COL18A1: variants seen among roughly 807,000 people sequenced by gnomAD.
COL18A1 encodes the protein collagen type XVIII alpha 1 chain.
COL18A1 carries 133 observed loss-of-function variants against 168.0 expected under a neutral mutation model. The ratio of observed to expected loss-of-function variants is 0.79; its 90% CI spans 0.69 to 0.91. The LOEUF (loss-of-function observed/expected upper bound fraction) is 0.91. Among genes scored for constraint, COL18A1 ranks in the 40% least tolerant of loss-of-function variants. COL18A1 has a pLI of 0.00. For synonymous variants in COL18A1, 949 were observed against 809.0 expected, an observed-to-expected ratio of 1.17 and a Z score of -2.94; for missense variants, 2,126 against 1,925.4, an observed-to-expected ratio of 1.10 and a Z score of -1.95.
chr21:45,453,721 C>A lies in COL18A1; in HGVS notation c.107-14521C>A, dbSNP rs925089708. Among the ~76,000 whole-genome samples, 3 of 152,118 alleles carry A rather than the reference C, an allele frequency of 2.0e-5. No individual in the cohort carries two copies. In the East Asian group the frequency reaches 5.8e-4, roughly 29 times the overall value. ...CAGGGGAAGGGTGGAGGGAGCTGGG[C>A]ACCCTGCAGATGGCAGGGTGGGTGC... On this transcript the variant is annotated intron_variant, in intron 2 of 41. Coordinates refer to ENST00000651438, the MANE Select transcript of COL18A1 (RefSeq NM_001379500.1).
In COL18A1 at chr21:45,405,481, C is replaced by T. The variant is rs1014332547; in HGVS notation, c.106+8C>T. On this transcript the variant is annotated splice_region_variant and intron_variant, in intron 2 of 41. Coordinates refer to ENST00000651438, the MANE Select transcript of COL18A1 (RefSeq NM_001379500.1). ...CGGCCTCCGCGGAGCCAGGTAAGAC[C>T]CGGGCGGGACGGGAAGGTTCGCGCC... is the stretch of plus-strand genomic sequence containing the variant. The T allele has an allele frequency of 7.4e-7, 1 of 1,357,748 alleles. No homozygotes were observed. Among genetic ancestry groups the T allele is most frequent in the Non-Finnish European group, 9.6e-7 (1 of 1,046,218 alleles). The allele number at this position is 1,357,748 out of a possible 1,614,324, so 84.1% of individuals were successfully genotyped here. A position where few individuals can be genotyped will look rare whatever the true frequency, so the allele number is the denominator to read the frequency against.
intron 2 of COL18A1, chr21:45,456,933 A>T (rs1436060896): frequency 7.4e-7 from 1 of 1,349,172 alleles, no homozygotes; most frequent in African/African-American, 1.5e-5. Context: ...CTTGCCAGGT[A>T]AGTGTGGGCG....
chr21:45,509,377 C>T lies in COL18A1; in HGVS notation c.3271C>T (p.Gln1091Ter). The T allele has an allele frequency of 6.5e-7, 1 of 1,543,256 alleles. No individual in the cohort carries two copies. Among genetic ancestry groups the T allele is most frequent in the Admixed American group, 1.9e-5 (1 of 52,094 alleles). Residue 1091 changes from glutamine to a stop codon, truncating the protein, a stop_gained, in exon 39 of 42, where the codon CAG (glutamine) becomes TAG (stop). Coordinates refer to ENST00000651438, the MANE Select transcript of COL18A1 (RefSeq NM_001379500.1). LOFTEE classifies it high-confidence loss of function. Reference protein sequence around the residue: ...RGTDNEVAALQPPVVQLHDSN... With the variant: ...RGTDNEVAAL Reference sequence around the variant, plus strand: ...GCAGGACAATGAAGTGGCCGCCTTGCAGCCCCCCGTGGTGCAGCTGCACGA... The same window carrying T: ...GCAGGACAATGAAGTGGCCGCCTTGTAGCCCCCCGTGGTGCAGCTGCACGA...
chr21:45,452,117 C>T (rs1430934263), intron 2 of COL18A1, among the ~76,000 whole-genome samples: 2 of 152,268 alleles, frequency 1.3e-5, no homozygotes, highest in Non-Finnish European at 2.9e-5. Context: ...AACCCTGGTC[C>T]GCACTGCTCA....
Position 45,473,827 on chromosome 21 carries a change from C to A in COL18A1, c.652-68C>A, listed in dbSNP as rs1179348935. On this transcript the variant is annotated intron_variant, in intron 3 of 41. Coordinates refer to ENST00000651438, the MANE Select transcript of COL18A1 (RefSeq NM_001379500.1). This position sits in a 1 kb window ranked among gnomAD's most constrained non-coding sequence, Gnocchi z 4.0. Reference sequence around the variant, plus strand: ...TGTGGGCCCCCCGAAATCTGGAGCTCAAGCAGCACCGGGGTTGCCACTGCC... The same window carrying A: ...TGTGGGCCCCCCGAAATCTGGAGCTAAAGCAGCACCGGGGTTGCCACTGCC... 6 of 1,331,420 alleles carry A rather than the reference C, an allele frequency of 4.5e-6. No individual in the cohort carries two copies. In the Admixed American group the frequency reaches 1.2e-4, roughly 26 times the overall value. The allele number at this position is 1,331,420 out of a possible 1,614,324, so 82.5% of individuals were successfully genotyped here.
At chr21:45,452,523 C>T (rs2034647138) in intron 2 of COL18A1, among the ~76,000 whole-genome samples, 1 of 151,214 alleles carries the variant, frequency 6.6e-6, no homozygotes, top group Admixed American at 6.6e-5. Context: ...TGTGAGCATG[C>T]ATGTACATAT....
chr21:45,407,096 C>G (rs2033138866), intron 2 of COL18A1, among the ~76,000 whole-genome samples: 1 of 152,220 alleles, frequency 6.6e-6, no homozygotes, highest in South Asian at 2.1e-4. Flanking sequence ...CCTCCCCCAG[C>G]CCGGAGAGAA....
At position 45,491,554 on chromosome 21, in the gene COL18A1, A is replaced by C. The variant is rs181264904; in HGVS notation, c.2157+240A>C. Among the ~76,000 whole-genome samples the C allele has an allele frequency of 5.8e-3, 853 of 147,150 alleles. 9 individuals carry two copies. Among genetic ancestry groups the C allele is most frequent in the African/African-American group, 0.02 (815 of 41,054 alleles). ...AGAGGGGAGGGCCTGCACAGGGGCC[A>C]GTGTTTTTACGTCAAAGGCTCCCAT... On this transcript the variant is annotated intron_variant, in intron 22 of 41. Transcript: ENST00000651438.
At chr21:45,478,166 T>C in intron 8 of COL18A1, 161 bp from the exon 9 acceptor site, 1 of 923,172 alleles carries the variant, frequency 1.1e-6, no homozygotes, top group South Asian at 1.4e-5. Flanking sequence ...ACACAGCCCT[T>C]GTGGGTGTGA....
chr21:45,414,564 C>T (rs372667647), intron 2 of COL18A1, among the ~76,000 whole-genome samples: 4 of 152,126 alleles, frequency 2.6e-5, no homozygotes, highest in East Asian at 3.9e-4. Context: ...AGACAAGGCT[C>T]GGACCCTGCG....
rs535440142 is a variant in COL18A1, at chr21:45,439,799, C to T, written c.107-28443C>T. On this transcript the variant is annotated intron_variant, in intron 2 of 41. Transcript: ENST00000651438. ...AGCACAGAGCCTGGCCTCTAAGATGCTCGGGAAATGCCGCTCTCTGCGCCC... is the reference window on the plus strand; with the variant it reads ...AGCACAGAGCCTGGCCTCTAAGATGTTCGGGAAATGCCGCTCTCTGCGCCC... Among the ~76,000 whole-genome samples, 9 of 150,056 alleles carry T rather than the reference C, an allele frequency of 6.0e-5. No homozygotes were observed. The South Asian group carries it at 1.9e-3, about 31-fold the overall frequency.
rs754620860 is a variant in COL18A1 at position 45,512,315 on chromosome 21, C to A, written c.3937C>A (p.Leu1313Ile). ...GGCCTCCTCGCTGCTGGGGGGCAGG[C>A]TCCTGGGGCAGAGTGCCGCGAGCTG... ...GQASSLLGGRLLGQSAASCHH... is the reference protein window; with the variant it reads ...GQASSLLGGRILGQSAASCHH... Residue 1313 changes from leucine (L) to isoleucine (I), a missense_variant, in exon 42 of 42, where the codon CTC (leucine) becomes ATC (isoleucine). Physicochemically the swap from Leu to Ile is conservative, Grantham distance 5. Coordinates refer to ENST00000651438, the MANE Select transcript of COL18A1 (RefSeq NM_001379500.1). 1.2e-6 allele frequency: 2 copies of A among 1,612,414 alleles called. No homozygotes were observed. The highest frequency in any genetic ancestry group is 2.7e-5 in the African/African-American group (2 of 74,926).
Position 45,504,245 on chromosome 21 carries a change from C to T in COL18A1, c.2728-171C>T, listed in dbSNP as rs182733378. ...TCCCCGGCTCAGTTTTTGGGGGACT[C>T]GGCTGATGCAGTGGGAGGTGGGGAG... On this transcript the variant is annotated intron_variant, in intron 33 of 41. Coordinates refer to ENST00000651438, the MANE Select transcript of COL18A1 (RefSeq NM_001379500.1). 632 of 881,934 alleles carry T rather than the reference C, an allele frequency of 7.2e-4. 2 individuals carry two copies. The African/African-American group carries it at 9.2e-3, about 13-fold the overall frequency. 54.6% of individuals were successfully genotyped at this position (881,934 alleles called of 1,614,324 possible).
At chr21:45,431,808 T>G (rs915504475) in intron 2 of COL18A1, among the ~76,000 whole-genome samples, 1 of 151,834 alleles carries the variant, frequency 6.6e-6, no homozygotes, top group East Asian at 1.9e-4. Flanking sequence ...CGCGCATTGG[T>G]GGGGGCAGCA....
chr21:45,512,454 C>A lies in COL18A1; in HGVS notation c.*56C>A. ...ACCGGCGGCTCGGAGGAAGCCCCCA[C>A]CGTGGGCAGGGAGCGGCCGGCCAGC... On this transcript the variant is annotated 3_prime_UTR_variant, in exon 42 of 42. Transcript: ENST00000651438. 2.6e-6 allele frequency: 4 copies of A among 1,558,968 alleles called. No individual in the cohort carries two copies. The South Asian group carries it at 3.5e-5, about 13-fold the overall frequency.
Position 45,513,564 on chromosome 21 carries a change from G to C in COL18A1, c.*1166G>C, listed in dbSNP as rs2037732811. 6.6e-6 allele frequency: 1 copy of C among 152,188 alleles called. No homozygotes were observed. Among genetic ancestry groups the C allele is most frequent in the Non-Finnish European group, 1.5e-5 (1 of 68,046 alleles). The allele number at this position is 152,188 out of a possible 1,614,324, so 9.4% of individuals were successfully genotyped here. A position where few individuals can be genotyped will look rare whatever the true frequency, so the allele number is the denominator to read the frequency against. On this transcript the variant is annotated 3_prime_UTR_variant, in exon 42 of 42. Coordinates refer to ENST00000651438, the MANE Select transcript of COL18A1 (RefSeq NM_001379500.1). ...ATCAACCCGAGTCATTCGTTCTGTG[G>C]AGGGACAAGTGGACTCAGGGCAGCG...
chr21:45,476,497 ATGTGGTGTGTG>A lies in COL18A1; in HGVS notation c.928+27_928+37del. ...CGTTAGGAGGTAAGCTCTTTTCTGG[ATGTGGTGTGTG>A]TGTGGTGTGGGGTGTGTGTGGTGTG... On this transcript the variant is annotated intron_variant, in intron 6 of 41. Transcript: ENST00000651438. 6.3e-7 allele frequency: 1 copy of A among 1,585,520 alleles called. No homozygotes were observed. The highest frequency in any genetic ancestry group is 8.6e-7 in the Non-Finnish European group (1 of 1,165,348).
At chr21:45,511,737 TGTCCCCAGCA>T (rs768874358) in intron 41 of COL18A1, among the ~76,000 whole-genome samples, 1 of 152,158 alleles carries the variant, frequency 6.6e-6, no homozygotes, top group Non-Finnish European at 1.5e-5. Context: ...CCACACAGCG[TGTCCCCAGCA>T]GTGCCTGGCC....
At chr21:45,465,193 G>A (rs78174364) in intron 2 of COL18A1, among the ~76,000 whole-genome samples, 4,437 of 152,260 alleles carry the variant, frequency 0.029, 230 homozygotes, top group African/African-American at 0.1. Context: ...GCTCAGCCCC[G>A]ACTGGCGGGT....
Sources: allele counts gnomAD v4.1 joint callset (sites outside exome capture counted in the v4.1 genomes callset), GRCh38; gene constraint gnomAD v4.1.1; non-coding constraint Gnocchi (gnomAD v3.1); transcripts MANE v1.5; gene names NCBI Gene and HGNC (gene_info 2026-07-23, HGNC 2026-07-21).